SGCZ: variants seen among roughly 807,000 people sequenced by gnomAD.
SGCZ encodes the protein zeta-sarcoglycan.
In SGCZ, 40 loss-of-function variants were observed where a neutral mutation model predicts 41.3. The observed-to-expected ratio is 0.97, with a 90% CI of 0.75 to 1.26. SGCZ has a LOEUF of 1.26. SGCZ is among the 50% of genes most tolerant of loss of function. SGCZ has a pLI of 0.00. For synonymous variants in SGCZ, 206 were observed against 137.5 expected, an observed-to-expected ratio of 1.50 and a Z score of -3.49; for missense variants, 552 against 369.8, an observed-to-expected ratio of 1.49 and a Z score of -4.04.
At chr8:14,290,504 C>T (rs1800802658) in intron 3 of SGCZ, among the ~76,000 whole-genome samples, 1 of 151,952 alleles carries the variant, frequency 6.6e-6, no homozygotes, top group South Asian at 2.1e-4. Flanking sequence ...AAAATAATGA[C>T]CTCATTTAAA....
At chr8:14,936,561 T>C (rs1338074203) in intron 1 of SGCZ, among the ~76,000 whole-genome samples, 1 of 151,894 alleles carries the variant, frequency 6.6e-6, no homozygotes, top group Non-Finnish European at 1.5e-5. Context: ...AAATTTTAAG[T>C]TGGACTTTTG....
At chr8:14,799,724 T>A (rs1413989207) in intron 1 of SGCZ, among the ~76,000 whole-genome samples, 1 of 152,014 alleles carries the variant, frequency 6.6e-6, no homozygotes, top group African/African-American at 2.4e-5. Flanking sequence ...CGTAGAACCC[T>A]CCAGCTGAAT....
chr8:14,125,664 T>C (rs866768357), intron 5 of SGCZ, among the ~76,000 whole-genome samples: 1 of 152,176 alleles, frequency 6.6e-6, no homozygotes, highest in Non-Finnish European at 1.5e-5. Flanking sequence ...AGAACCCTTA[T>C]AGCCAAGACA....
rs1031101448 is a variant in SGCZ at position 14,240,351 on chromosome 8, A to T, written c.337-2672T>A. ...TCAAAAAAAAAAAAAAAAAAAAAAAAAAAAGAACTGAAAGTTTAAAAGTTT... is the reference window on the plus strand; with the variant it reads ...TCAAAAAAAAAAAAAAAAAAAAAAATAAAAGAACTGAAAGTTTAAAAGTTT... On this transcript the variant is annotated intron_variant, in intron 3 of 7. Transcript: ENST00000382080. 4.3e-4 allele frequency among the ~76,000 whole-genome samples: 56 copies of T among 129,104 alleles called. 2 individuals carry two copies. Among genetic ancestry groups the T allele is most frequent in the African/African-American group, 7.7e-4 (26 of 33,972 alleles). 84.7% of individuals were successfully genotyped at this position (129,104 alleles called of 152,430 possible).
chr8:14,888,779 CATTT>C (rs777691522), intron 1 of SGCZ, among the ~76,000 whole-genome samples: 25 of 152,196 alleles, frequency 1.6e-4, no homozygotes, highest in South Asian at 6.2e-4. Flanking sequence ...TATATACATT[CATTT>C]GTTTTTCTCA....
chr8:14,449,250 T>C (rs1443097309), intron 2 of SGCZ, among the ~76,000 whole-genome samples: 5 of 152,232 alleles, frequency 3.3e-5, no homozygotes, highest in Non-Finnish European at 5.9e-5. Flanking sequence ...TTACTTGTTC[T>C]ATTTCTAAAC....
intron 1 of SGCZ, among the ~76,000 whole-genome samples, chr8:15,031,585 A>C (rs1231063669): frequency 1.3e-5 from 2 of 152,216 alleles, no homozygotes; most frequent in African/African-American, 4.8e-5. Context: ...CAAGAAAGTC[A>C]AGGAATATGT....
chr8:14,697,846 GTTCTT>G (rs1346624568), intron 1 of SGCZ, among the ~76,000 whole-genome samples: 6 of 151,874 alleles, frequency 4.0e-5, no homozygotes, highest in Admixed American at 3.3e-4. Context: ...CTCAACATTT[GTTCTT>G]TTCATCAGTA....
In SGCZ at chr8:14,348,975, C is replaced by T. The variant is rs184146481; in HGVS notation, c.235-24771G>A. 1.1e-3 allele frequency among the ~76,000 whole-genome samples: 162 copies of T among 152,062 alleles called. 1 individual carries two copies. The highest frequency in any genetic ancestry group is 6.8e-3 in the Middle Eastern group (2 of 294). On this transcript the variant is annotated intron_variant, in intron 2 of 7. Coordinates refer to ENST00000382080, the MANE Select transcript of SGCZ (RefSeq NM_139167.4). ...TACTGGACTCATTTTTACTGTGTTACGTAAATATATAAAACTTAGTAGAGT... is the reference window on the plus strand; with the variant it reads ...TACTGGACTCATTTTTACTGTGTTATGTAAATATATAAAACTTAGTAGAGT...
intron 4 of SGCZ, among the ~76,000 whole-genome samples, chr8:14,221,687 G>A (rs952204577): frequency 1.9e-4 from 29 of 152,214 alleles, no homozygotes; most frequent in African/African-American, 6.5e-4. Context: ...TGGAATCCCA[G>A]CACTTTGGGA....
chr8:14,446,830 T>G (rs1314347979), intron 2 of SGCZ, among the ~76,000 whole-genome samples: 1 of 152,184 alleles, frequency 6.6e-6, no homozygotes, highest in Non-Finnish European at 1.5e-5. Flanking sequence ...ACCATTATAG[T>G]GTTATTTTTA....
At chr8:15,035,496 C>T (rs985379049) in intron 1 of SGCZ, among the ~76,000 whole-genome samples, 1 of 152,096 alleles carries the variant, frequency 6.6e-6, no homozygotes, top group South Asian at 2.1e-4. Flanking sequence ...TAAATCGTTA[C>T]CTATAAATAT....
At chr8:14,477,288 C>A (rs1801389196) in intron 2 of SGCZ, among the ~76,000 whole-genome samples, 1 of 152,108 alleles carries the variant, frequency 6.6e-6, no homozygotes, top group South Asian at 2.1e-4. Context: ...AAAACCACCA[C>A]CACAGCAAAA....
chr8:14,352,634 G>A (rs1194295425), intron 2 of SGCZ, among the ~76,000 whole-genome samples: 1 of 152,014 alleles, frequency 6.6e-6, no homozygotes, highest in Non-Finnish European at 1.5e-5. Context: ...TGGGTAACAA[G>A]CCCGTAGAGC....
At chr8:14,754,423 T>A (rs756890624) in intron 1 of SGCZ, among the ~76,000 whole-genome samples, 1 of 152,194 alleles carries the variant, frequency 6.6e-6, no homozygotes, top group Non-Finnish European at 1.5e-5. Flanking sequence ...CATTTTTGTA[T>A]GTGGACATAT....
At chr8:14,624,981 C>G (rs1176964061) in intron 1 of SGCZ, among the ~76,000 whole-genome samples, 1 of 152,098 alleles carries the variant, frequency 6.6e-6, no homozygotes, top group Non-Finnish European at 1.5e-5. Flanking sequence ...TCATTCACCA[C>G]ACATGAATTT....
intron 5 of SGCZ, among the ~76,000 whole-genome samples, chr8:14,134,208 C>T (rs879586054): frequency 2.0e-5 from 3 of 152,090 alleles, no homozygotes; most frequent in Non-Finnish European, 4.4e-5. Flanking sequence ...TCACTAGGCA[C>T]AATTAGATAT....
chr8:14,262,156 T>A (rs2117237246), intron 3 of SGCZ, among the ~76,000 whole-genome samples: 1 of 152,260 alleles, frequency 6.6e-6, no homozygotes, highest in African/African-American at 2.4e-5. Flanking sequence ...GGTAACTTTG[T>A]TTAGAATGAA....
chr8:14,505,630 A>T lies in SGCZ; in HGVS notation c.234+49102T>A, dbSNP rs546630722. Among the ~76,000 whole-genome samples the T allele has an allele frequency of 2.0e-5, 3 of 152,214 alleles. No individual in the cohort carries two copies. The South Asian group carries it at 6.2e-4, about 32-fold the overall frequency. On this transcript the variant is annotated intron_variant, in intron 2 of 7. Transcript: ENST00000382080. The stretch of plus-strand genomic sequence containing the variant: ...ATGTCTTATATGTATATCTCTCTTC[A>T]TCTACAATTGTTCTCTAGGACAGAA...
Sources: allele counts gnomAD v4.1 joint callset (sites outside exome capture counted in the v4.1 genomes callset), GRCh38; gene constraint gnomAD v4.1.1; transcripts MANE v1.5; gene names NCBI Gene and HGNC (gene_info 2026-07-23, HGNC 2026-07-21).